GPM6A: variants seen among roughly 807,000 people sequenced by gnomAD.
The protein encoded by GPM6A is neuronal membrane glycoprotein M6-a.
Under a neutral mutation model 32.1 loss-of-function variants are expected in GPM6A, and 7 were observed. That is an observed-to-expected ratio of 0.22 (90% CI 0.12 to 0.41). GPM6A has a LOEUF of 0.41. Among genes scored for constraint, GPM6A ranks in the 10% least tolerant of loss-of-function variants. The pLI is 1.00. For missense variants in GPM6A, 235 were observed against 347.2 expected (o/e 0.68, Z 2.57); for synonymous variants, 130 against 123.4 (o/e 1.05, Z -0.35).
At chr4:175,899,839 C>A (rs1260721420) in intron 1 of GPM6A, among the ~76,000 whole-genome samples, 1 of 152,004 alleles carries the variant, frequency 6.6e-6, no homozygotes, top group Non-Finnish European at 1.5e-5. Flanking sequence ...ACCTCACAAG[C>A]ACAGGCAACC....
chr4:175,708,756 AT>A (rs1745358979), intron 1 of GPM6A, among the ~76,000 whole-genome samples: 1 of 152,190 alleles, frequency 6.6e-6, no homozygotes, highest in Non-Finnish European at 1.5e-5. Flanking sequence ...AGAGGTTAAA[AT>A]ATAATAGGTG....
intron 1 of GPM6A, among the ~76,000 whole-genome samples, chr4:175,762,270 AAC>A (rs1467218540): frequency 6.6e-6 from 1 of 152,232 alleles, no homozygotes. Context: ...ATTATCAACA[AAC>A]ACAAAAGAAA....
intron 1 of GPM6A, among the ~76,000 whole-genome samples, chr4:175,824,344 C>A (rs1432320966): frequency 1.3e-5 from 2 of 152,148 alleles, no homozygotes; most frequent in African/African-American, 4.8e-5. Flanking sequence ...TACAAGTGTT[C>A]TTCACGGTTT....
intron 1 of GPM6A, among the ~76,000 whole-genome samples, chr4:175,745,632 A>C (rs1732072853): frequency 6.6e-6 from 1 of 152,190 alleles, no homozygotes; most frequent in Admixed American, 6.5e-5. Flanking sequence ...CCTCATAACG[A>C]GAACATTATA....
At chr4:175,934,377 A>T (rs1485857234) in intron 1 of GPM6A, among the ~76,000 whole-genome samples, 1 of 152,250 alleles carries the variant, frequency 6.6e-6, no homozygotes, top group African/African-American at 2.4e-5. Context: ...ACATGCCTAT[A>T]TACATCAAAT....
chr4:175,787,486 T>G, intron 1 of GPM6A: 1 of 1,488,760 alleles, frequency 6.7e-7, no homozygotes, highest in Non-Finnish European at 8.9e-7. Flanking sequence ...TTTTTTTAAG[T>G]CACTATTTTT....
chr4:175,933,692 G>A (rs1476436161), intron 1 of GPM6A, among the ~76,000 whole-genome samples: 1 of 152,028 alleles, frequency 6.6e-6, no homozygotes, highest in Non-Finnish European at 1.5e-5. Context: ...ACAGGTGCCC[G>A]CCACCATGCC....
chr4:175,763,127 T>C (rs1393901710), intron 1 of GPM6A, among the ~76,000 whole-genome samples: 1 of 152,214 alleles, frequency 6.6e-6, no homozygotes, highest in Non-Finnish European at 1.5e-5. Context: ...TCATTAACAA[T>C]AACTACTTTT....
At chr4:175,734,156 A>T (rs199841092) in intron 1 of GPM6A, among the ~76,000 whole-genome samples, 6,751 of 83,714 alleles carry the variant, frequency 0.081, 309 homozygotes, top group East Asian at 0.56. Context: ...ATATATATAT[A>T]TATATTTTTT....
intron 1 of GPM6A, among the ~76,000 whole-genome samples, chr4:175,758,966 C>G (rs1440501981): frequency 2.6e-5 from 4 of 152,208 alleles, no homozygotes; most frequent in Non-Finnish European, 5.9e-5. Context: ...AGAATCTACT[C>G]TCCTTGAGAC....
upstream of GPM6A, chr4:176,002,376 C>T (rs1741514768): frequency 6.4e-7 from 1 of 1,557,716 alleles, no homozygotes. Flanking sequence ...CTGCGCGGGG[C>T]CAAGTTCTCC....
At chr4:175,983,348 C>T (rs1740872256) in intron 1 of GPM6A, among the ~76,000 whole-genome samples, 2 of 152,286 alleles carry the variant, frequency 1.3e-5, no homozygotes, top group Middle Eastern at 3.4e-3. Context: ...CTTTGGAGCT[C>T]TTTATATACC....
chr4:175,861,247 T>C (rs1027636010), intron 1 of GPM6A, among the ~76,000 whole-genome samples: 5 of 151,300 alleles, frequency 3.3e-5, no homozygotes, highest in African/African-American at 1.2e-4. Context: ...ATATGAATTA[T>C]AAATATATAT....
At chr4:175,808,054 A>G (rs946548768) in intron 1 of GPM6A, among the ~76,000 whole-genome samples, 1 of 152,126 alleles carries the variant, frequency 6.6e-6, no homozygotes, top group Admixed American at 6.6e-5. Flanking sequence ...GTTGGCCAAT[A>G]TTTCCTAGTC....
intron 1 of GPM6A, among the ~76,000 whole-genome samples, chr4:175,952,909 G>A (rs1739862336): frequency 1.3e-5 from 2 of 151,952 alleles, no homozygotes; most frequent in Non-Finnish European, 2.9e-5. Context: ...TGCTAGGCAT[G>A]GTGGCGCATG....
intron 1 of GPM6A, among the ~76,000 whole-genome samples, chr4:175,712,322 C>T (rs1745599882): frequency 6.6e-6 from 1 of 152,214 alleles, no homozygotes; most frequent in African/African-American, 2.4e-5. Context: ...TCCTGCTGCC[C>T]TGCGGCCACA....
intron 6 of GPM6A, among the ~76,000 whole-genome samples, chr4:175,637,773 ATCT>A: frequency 1.7e-4 from 14 of 82,816 alleles, no homozygotes; most frequent in African/African-American, 6.3e-4. Context: ...AAAATATATA[ATCT>A]ATATATAATA....
At chr4:175,947,578 T>C (rs1437589602) in intron 1 of GPM6A, 1 of 152,150 alleles carries the variant, frequency 6.6e-6, no homozygotes, top group East Asian at 1.9e-4. Flanking sequence ...CATTTTCAAG[T>C]TATTCCTGAT....
intron 1 of GPM6A, among the ~76,000 whole-genome samples, chr4:175,918,660 T>TTA (rs1392418559): frequency 2.0e-5 from 3 of 152,170 alleles, no homozygotes; most frequent in African/African-American, 7.2e-5. Context: ...AGCTGTTAAT[T>TTA]TAGTTTGCTG....
Sources: gnomAD v4.1 joint callset for allele counts (sites outside exome capture counted in the v4.1 genomes callset) on GRCh38, gnomAD v4.1.1 for gene constraint, MANE v1.5 for transcripts, NCBI Gene and HGNC (gene_info 2026-07-23, HGNC 2026-07-21) for gene names.